RAB40C: variants seen among roughly 807,000 people sequenced by gnomAD.
RAB40C encodes ras-related protein Rab-40C.
A neutral mutation model predicts 28.1 loss-of-function variants in RAB40C; 8 were observed. That is an observed-to-expected ratio of 0.28 (90% CI 0.17 to 0.51). The LOEUF is 0.51. Ranked by LOEUF, RAB40C falls within the 20% of genes least tolerant of loss-of-function variation. The pLI is 0.97. For synonymous variants in RAB40C, 201 were observed against 171.7 expected (o/e 1.17, Z -1.34); for missense variants, 288 against 405.9 (o/e 0.71, Z 2.50).
chr16:613,765 G>T (rs780318222), intron 1 of RAB40C, among the ~76,000 whole-genome samples: 1 of 151,994 alleles, frequency 6.6e-6, no homozygotes, highest in Non-Finnish European at 1.5e-5. Flanking sequence ...TGGGAGTCGT[G>T]GGCAACACCC....
At chr16:613,063 C>A (rs9674306) in intron 1 of RAB40C, among the ~76,000 whole-genome samples, 8 of 85,566 alleles carry the variant, frequency 9.3e-5, no homozygotes, top group East Asian at 3.3e-4. Flanking sequence ...TGGCCTGTAG[C>A]ATCAAGAGCA....
chr16:602,796 C>T (rs1234476029), intron 1 of RAB40C, among the ~76,000 whole-genome samples: 1 of 152,164 alleles, frequency 6.6e-6, no homozygotes, highest in Non-Finnish European at 1.5e-5. Context: ...TCTTGAACTC[C>T]TGGGCTCAAG....
Position 626,465 on chromosome 16 carries a change from G to A in RAB40C, c.565+344G>A, listed in dbSNP as rs146315444. Among the ~76,000 whole-genome samples the A allele has an allele frequency of 2.6e-4, 40 of 152,310 alleles. No homozygotes were observed. The East Asian group carries it at 6.6e-3, about 25-fold the overall frequency. On this transcript the variant is annotated intron_variant, in intron 5 of 5. Transcript: ENST00000248139. ...CTGGTCCTGCTGTCAGGGGAGCACA[G>A]GAGCCGTGCCTGCAGCTTTGTGTTG...
intron 3 of RAB40C, chr16:625,055 C>G: frequency 7.7e-7 from 1 of 1,294,940 alleles, no homozygotes; most frequent in Non-Finnish European, 1.0e-6. Context: ...CAGGTACTCC[C>G]GGGGGGATTC....
intron 5 of RAB40C, 118 bp downstream of exon 5, chr16:626,239 G>T: frequency 9.7e-7 from 1 of 1,035,866 alleles, no homozygotes; most frequent in Non-Finnish European, 1.4e-6. Flanking sequence ...CCTTGGCAAC[G>T]CGCAGTAGGG....
chr16:598,574 A>G (rs1244916680), intron 1 of RAB40C, among the ~76,000 whole-genome samples: 13 of 149,782 alleles, frequency 8.7e-5, no homozygotes, highest in Non-Finnish European at 1.3e-4. Context: ...AAAAAAAAAA[A>G]AAAAAAGAAA....
chr16:591,462 A>G lies in RAB40C; in HGVS notation c.142+1029A>G, dbSNP rs1210966856. 5.3e-5 allele frequency among the ~76,000 whole-genome samples: 8 copies of G among 152,200 alleles called. No individual in the cohort carries two copies. The East Asian group carries it at 1.3e-3, about 26-fold the overall frequency. On this transcript the variant is annotated intron_variant, in intron 1 of 5. Coordinates refer to ENST00000248139, the MANE Select transcript of RAB40C (RefSeq NM_021168.5). ...CCTGTCTCGAGCGTGCACAGATGAC[A>G]GGTCCTTATAGGCACGCTGTTCCCC...
intron 3 of RAB40C, among the ~76,000 whole-genome samples, chr16:622,132 A>G (rs1038414868): frequency 2.6e-5 from 4 of 152,232 alleles, no homozygotes; most frequent in Non-Finnish European, 5.9e-5. Flanking sequence ...GTGCTTTGTA[A>G]GTTACAGCTC....
In RAB40C at chr16:605,574, C is replaced by T. The variant is rs181241385; in HGVS notation, c.143-11634C>T. On this transcript the variant is annotated intron_variant, in intron 1 of 5. Transcript: ENST00000248139. ...CACACAGGGCAAACTCTCCTGTGTC[C>T]GGCTGCCTTCTTTCCATGTCTTCTG... 2.4e-3 allele frequency among the ~76,000 whole-genome samples: 361 copies of T among 152,288 alleles called. 2 individuals carry two copies. The highest frequency in any genetic ancestry group is 1.3e-3 in the Non-Finnish European group (90 of 68,024).
At chr16:593,089 A>C (rs1396103251) in intron 1 of RAB40C, among the ~76,000 whole-genome samples, 1 of 152,210 alleles carries the variant, frequency 6.6e-6, no homozygotes, top group Non-Finnish European at 1.5e-5. Flanking sequence ...CCTCGAGCAG[A>C]GAAGGAAGCG....
chr16:626,352 C>G (rs554830219), intron 5 of RAB40C, among the ~76,000 whole-genome samples: 1 of 152,096 alleles, frequency 6.6e-6, no homozygotes, highest in East Asian at 1.9e-4. Flanking sequence ...CTCAGGGTGC[C>G]GCCGTGGCCG....
intron 1 of RAB40C, among the ~76,000 whole-genome samples, chr16:601,422 C>T (rs932323703): frequency 1.2e-4 from 19 of 152,040 alleles, no homozygotes; most frequent in Non-Finnish European, 1.8e-4. Flanking sequence ...TTCCAGAGCC[C>T]GGGTCGCCAG....
Position 627,794 on chromosome 16 carries a change from G to C in RAB40C, c.*172G>C, listed in dbSNP as rs2151083703. The C allele has an allele frequency of 1.3e-6, 1 of 781,158 alleles. No individual in the cohort carries two copies. The highest frequency in any genetic ancestry group is 1.8e-5 in the African/African-American group (1 of 56,118). 48.4% of individuals were successfully genotyped at this position (781,158 alleles called of 1,614,324 possible). A position where few individuals can be genotyped will look rare whatever the true frequency, so the allele number is the denominator to read the frequency against. On this transcript the variant is annotated 3_prime_UTR_variant, in exon 6 of 6. Transcript: ENST00000248139. The stretch of plus-strand genomic sequence containing the variant: ...GCGAGGAGGAGCATGCACGGACCAA[G>C]CGCGGCAGGCGGGAGGAGGGGGCGC...
At chr16:623,176 G>C (rs2036135508) in intron 3 of RAB40C, among the ~76,000 whole-genome samples, 1 of 152,250 alleles carries the variant, frequency 6.6e-6, no homozygotes, top group African/African-American at 2.4e-5. Flanking sequence ...CAGCCCATCA[G>C]CCGGGAGGCG....
intron 1 of RAB40C, among the ~76,000 whole-genome samples, chr16:609,085 A>C (rs987083846): frequency 6.6e-6 from 1 of 152,228 alleles, no homozygotes; most frequent in African/African-American, 2.4e-5. Flanking sequence ...ACTGCACTCC[A>C]GCCTGGGTGA....
chr16:591,268 T>C (rs1027164372), intron 1 of RAB40C, among the ~76,000 whole-genome samples: 2 of 149,608 alleles, frequency 1.3e-5, no homozygotes, highest in Admixed American at 6.6e-5. Context: ...AGGGAAGGTG[T>C]CATAGATCTG....
At chr16:595,148 T>C (rs147778929) in intron 1 of RAB40C, among the ~76,000 whole-genome samples, 1 of 151,742 alleles carries the variant, frequency 6.6e-6, no homozygotes, top group South Asian at 2.1e-4. Flanking sequence ...TCCAGCAGGG[T>C]GGTGTTGTGG....
At position 599,255 on chromosome 16, in the gene RAB40C, G is replaced by A. The variant is rs150245124; in HGVS notation, c.142+8822G>A. ...AGACCCTTCTCTGCCTGTGCCACCA[G>A]CTTTGCTCCGAGGGGTGTCTGTGTC... On this transcript the variant is annotated intron_variant, in intron 1 of 5. Transcript: ENST00000248139. Among the ~76,000 whole-genome samples the A allele has an allele frequency of 6.4e-3, 978 of 152,376 alleles. 9 individuals are homozygous for A. Among genetic ancestry groups the A allele is most frequent in the African/African-American group, 0.022 (926 of 41,588 alleles).
chr16:604,238 AT>A (rs5815051), intron 1 of RAB40C, among the ~76,000 whole-genome samples: 65,943 of 149,988 alleles, frequency 0.44, 15,182 homozygotes, highest in African/African-American at 0.59. Flanking sequence ...GTTCTTTTAA[AT>A]TTTTTTTTTT....
Sources: gnomAD v4.1 joint callset for allele counts (sites outside exome capture counted in the v4.1 genomes callset) on GRCh38, gnomAD v4.1.1 for gene constraint, MANE v1.5 for transcripts, NCBI Gene and HGNC (gene_info 2026-07-23, HGNC 2026-07-21) for gene names.